The following DHX35 variants were observed in gnomAD, a reference collection of about 807,000 sequenced individuals.
DHX35 encodes probable ATP-dependent RNA helicase DHX35.
In DHX35, 84 loss-of-function variants were observed where a neutral mutation model predicts 99.6. The observed-to-expected ratio is 0.84, with a 90% CI of 0.71 to 1.01. The LOEUF is 1.01. DHX35 is among the 50% of genes least tolerant of loss of function. The pLI is 0.00. For missense variants in DHX35, 852 were observed against 888.5 expected (o/e 0.96, Z 0.52); for synonymous variants, 331 against 316.2 (o/e 1.05, Z -0.50).
chr20:38,991,051 A>C (rs1012868860), intron 5 of DHX35, among the ~76,000 whole-genome samples: 1 of 152,214 alleles, frequency 6.6e-6, no homozygotes, highest in African/African-American at 2.4e-5. Context: ...TAAGTTAATA[A>C]CCTCAAGAAC....
intron 12 of DHX35, among the ~76,000 whole-genome samples, chr20:39,009,742 T>A (rs2086670650): frequency 6.6e-6 from 1 of 152,194 alleles, no homozygotes; most frequent in African/African-American, 2.4e-5. Flanking sequence ...CACCTCTTCT[T>A]CCTGGTAGGG....
chr20:39,028,393 G>C (rs375322078), intron 18 of DHX35, 25 bp from the exon 19 acceptor site: 5 of 1,613,250 alleles, frequency 3.1e-6, no homozygotes, highest in Non-Finnish European at 4.2e-6. Flanking sequence ...GGTTTCACCC[G>C]CCTCTCTGTT....
At chr20:39,015,862 C>G (rs1353195811) in intron 14 of DHX35, among the ~76,000 whole-genome samples, 1 of 152,170 alleles carries the variant, frequency 6.6e-6, no homozygotes, top group South Asian at 2.1e-4. Flanking sequence ...TCCCCCTAGT[C>G]CCCCAGCCCA....
chr20:38,989,281 T>TC (rs1309845546), intron 5 of DHX35, among the ~76,000 whole-genome samples: 2 of 146,220 alleles, frequency 1.4e-5, no homozygotes, highest in African/African-American at 5.1e-5. Flanking sequence ...TTTTTTTTTT[T>TC]TTTTTTGTAT....
In DHX35 at chr20:38,972,662, A is replaced by G; in HGVS notation, c.267+11A>G. 1 of 1,585,150 alleles carries G rather than the reference A, an allele frequency of 6.3e-7. No homozygotes were observed. The highest frequency in any genetic ancestry group is 8.7e-7 in the Non-Finnish European group (1 of 1,155,214). On this transcript the variant is annotated intron_variant, in intron 3 of 21. Transcript: ENST00000252011. ...ACACAGATTCCTCAGGTGAGTACAT[A>G]TTTAATAAGTGTCTTTACACTTCGA...
At chr20:38,963,288 C>CA (rs1245452433) in intron 1 of DHX35, among the ~76,000 whole-genome samples, 2 of 152,202 alleles carry the variant, frequency 1.3e-5, no homozygotes, top group African/African-American at 2.4e-5. Context: ...CTACCACCTG[C>CA]ACCCCTGCAG....
chr20:38,984,806 CTCA>C (rs774976618), intron 4 of DHX35, among the ~76,000 whole-genome samples: 21 of 151,988 alleles, frequency 1.4e-4, no homozygotes, highest in Admixed American at 5.2e-4. Context: ...GGATTCATTA[CTCA>C]TCATTAGTTA....
intron 12 of DHX35, among the ~76,000 whole-genome samples, chr20:39,006,947 C>T (rs887772701): frequency 2.6e-5 from 4 of 152,188 alleles, no homozygotes; most frequent in Admixed American, 2.0e-4. Flanking sequence ...ACAGCCTTAC[C>T]TATAGACAGT....
chr20:38,993,362 T>C (rs1262542658), intron 7 of DHX35, among the ~76,000 whole-genome samples: 3 of 152,164 alleles, frequency 2.0e-5, no homozygotes, highest in East Asian at 1.9e-4. Context: ...TCTTCTCTCT[T>C]TTTTTTCTTT....
At chr20:39,028,874 C>T (rs1275823736) in intron 19 of DHX35, among the ~76,000 whole-genome samples, 1 of 152,206 alleles carries the variant, frequency 6.6e-6, no homozygotes, top group Non-Finnish European at 1.5e-5. Context: ...ATCTGCACGA[C>T]TGAAGTCCCC....
At chr20:38,971,985 GTTTTTTTTGTTTTGTTTTGTTTTT>G (rs2086003974) in intron 2 of DHX35, among the ~76,000 whole-genome samples, 1 of 95,764 alleles carries the variant, frequency 1.0e-5, no homozygotes, top group Non-Finnish European at 2.4e-5. Context: ...ATAATTTCTT[GTTTTTTTTGTTTTGTTTTGTTTTT>G]TTTTTTTTTT....
At chr20:38,981,315 C>G (rs1292379660) in intron 3 of DHX35, among the ~76,000 whole-genome samples, 1 of 152,086 alleles carries the variant, frequency 6.6e-6, no homozygotes, top group Non-Finnish European at 1.5e-5. Flanking sequence ...CTCCTCTTTC[C>G]CTCTATCTTT....
chr20:39,034,204 A>G lies in DHX35; in HGVS notation c.1956-2A>G. 3.7e-6 allele frequency: 6 copies of G among 1,608,408 alleles called. No individual in the cohort carries two copies. Among genetic ancestry groups the G allele is most frequent in the Non-Finnish European group, 4.3e-6 (5 of 1,175,212 alleles). ...TTAGCTCATGTTTCTTTCTCATTTC[A>G]GGGTCATCTATAACGAAGTTATACA... On this transcript the variant is annotated splice_acceptor_variant, in intron 20 of 21. Transcript: ENST00000252011. LOFTEE classifies it high-confidence loss of function.
chr20:38,993,818 GTA>G (rs2086379852), intron 7 of DHX35, among the ~76,000 whole-genome samples: 1 of 151,934 alleles, frequency 6.6e-6, no homozygotes, highest in Non-Finnish European at 1.5e-5. Context: ...CATAGGTACT[GTA>G]TATTGTGATT....
rs1408254808 is a variant in DHX35 at position 39,038,738 on chromosome 20, C to T, written c.*195C>T. 3 of 614,706 alleles carry T rather than the reference C, an allele frequency of 4.9e-6. No homozygotes were observed. Among genetic ancestry groups the T allele is most frequent in the Non-Finnish European group, 8.5e-6 (3 of 351,010 alleles). The allele number at this position is 614,706 out of a possible 1,614,324, so 38.1% of individuals were successfully genotyped here. A position where few individuals can be genotyped will look rare whatever the true frequency, so the allele number is the denominator to read the frequency against. On this transcript the variant is annotated 3_prime_UTR_variant, in exon 22 of 22. Coordinates refer to ENST00000252011, the MANE Select transcript of DHX35 (RefSeq NM_021931.4). ...GCATCCTTGCTGGGATCCTGGAGGA[C>T]TTTGTGCATGGGCAGGCATCCTTCT...
intron 1 of DHX35, 71 bp downstream of exon 1, chr20:38,962,478 C>G (rs2085846623): frequency 4.5e-6 from 7 of 1,557,544 alleles, no homozygotes; most frequent in Non-Finnish European, 6.1e-6. Flanking sequence ...GGCCGGCGCC[C>G]TGGGGCCAGC....
At position 38,977,765 on chromosome 20, in the gene DHX35, AT is replaced by A. The variant is rs1178231307; in HGVS notation, c.267+5121del. On this transcript the variant is annotated intron_variant, in intron 3 of 21. Transcript: ENST00000252011. Reference sequence around the variant, plus strand: ...CTACAGAACTTTTGATATTTTAGGAATTTTTTTCTTGTTTTTTGAAGGATTC... The same window carrying A: ...CTACAGAACTTTTGATATTTTAGGAATTTTTTCTTGTTTTTTGAAGGATTC... 10 of 450,768 alleles carry A rather than the reference AT, an allele frequency of 2.2e-5. No individual in the cohort carries two copies. The Admixed American group carries it at 2.8e-4, about 13-fold the overall frequency. 27.9% of individuals were successfully genotyped at this position (450,768 alleles called of 1,614,324 possible). A position where few individuals can be genotyped will look rare whatever the true frequency, so the allele number is the denominator to read the frequency against.
intron 9 of DHX35, 112 bp from the exon 10 acceptor site, chr20:39,002,660 C>G: frequency 1.3e-6 from 1 of 789,024 alleles, no homozygotes; most frequent in Non-Finnish European, 2.1e-6. Context: ...TAATTACCTA[C>G]TGGGCAGGCC....
At chr20:39,026,480 A>T (rs2086959328) in intron 18 of DHX35, among the ~76,000 whole-genome samples, 2 of 152,218 alleles carry the variant, frequency 1.3e-5, no homozygotes, top group African/African-American at 2.4e-5. Flanking sequence ...AAGTACTAAG[A>T]TTATCAGTCC....
Sources: gnomAD v4.1 joint callset for allele counts (sites outside exome capture counted in the v4.1 genomes callset) on GRCh38, gnomAD v4.1.1 for gene constraint, MANE v1.5 for transcripts, NCBI Gene and HGNC (gene_info 2026-07-23, HGNC 2026-07-21) for gene names.